Variants in IL3RA observed in about 807,000 individuals in gnomAD.
IL3RA encodes interleukin-3 receptor subunit alpha.
IL3RA carries 73 observed loss-of-function variants against 52.3 expected under a neutral mutation model. That is an observed-to-expected ratio of 1.40 (90% CI 1.16 to 1.70). IL3RA has a LOEUF of 1.70. IL3RA is among the 40% of genes most tolerant of loss of function. The probability of loss-of-function intolerance (pLI) is 0.00; values close to 1 mark genes in which losing one functional copy is unlikely to be tolerated. For missense variants in IL3RA, 664 were observed against 504.4 expected (o/e 1.32, Z -3.03); for synonymous variants, 260 against 194.0 (o/e 1.34, Z -2.83).
intron 4 of IL3RA, among the ~76,000 whole-genome samples, chrX:1,349,711 G>A (rs2085994333): frequency 1.3e-5 from 2 of 152,114 alleles, no homozygotes; most frequent in Admixed American, 6.6e-5. Context: ...CGCCCAGGCT[G>A]GAGTGCAGTG....
At chrX:1,361,848 C>T (rs1475232059) in intron 8 of IL3RA, among the ~76,000 whole-genome samples, 1 of 150,994 alleles carries the variant, frequency 6.6e-6, no homozygotes, top group Non-Finnish European at 1.5e-5. Context: ...ACCCCGAGAA[C>T]AGTGTGGGGG....
intron 9 of IL3RA, among the ~76,000 whole-genome samples, chrX:1,367,220 G>A (rs1447215213): frequency 1.9e-5 from 1 of 53,446 alleles, no homozygotes; most frequent in Non-Finnish European, 3.1e-5. Flanking sequence ...TGAGCGGGGT[G>A]AGCCGGGTGC....
chrX:1,356,092 G>A (rs1236299234), intron 6 of IL3RA, 129 bp from the exon 7 acceptor site: 4 of 665,310 alleles, frequency 6.0e-6, no homozygotes, highest in Non-Finnish European at 1.1e-5. Flanking sequence ...CCTTCCTGGT[G>A]TTTTTCTCTC....
intron 8 of IL3RA, among the ~76,000 whole-genome samples, chrX:1,362,293 T>G (rs2087489363): frequency 6.6e-6 from 1 of 151,322 alleles, no homozygotes; most frequent in African/African-American, 2.4e-5. Flanking sequence ...CCTCTCTGTC[T>G]CCCCTCTCTG....
In IL3RA at chrX:1,348,638, C is replaced by CTT. The variant is rs1279658667; in HGVS notation, c.298+97_298+98dup. 8.3e-6 allele frequency: 6 copies of CTT among 723,904 alleles called. No individual in the cohort carries two copies. In the Admixed American group the frequency reaches 1.3e-4, roughly 15 times the overall value. The allele number at this position is 723,904 out of a possible 1,614,324, so 44.8% of individuals were successfully genotyped here. On this transcript the variant is annotated intron_variant, in intron 4 of 11. Transcript: ENST00000331035. ...GCCTTCGCTGTGTCTTTTTTCTTTTCTTTTTCTCTTTCTTTCTTTCTTTCT... is the reference window on the plus strand; with the variant it reads ...GCCTTCGCTGTGTCTTTTTTCTTTTCTTTTTTTCTCTTTCTTTCTTTCTTTCT...
At chrX:1,358,922 C>T in intron 8 of IL3RA, 35 bp downstream of exon 8, 1 of 1,575,518 alleles carries the variant, frequency 6.3e-7, no homozygotes, top group Non-Finnish European at 8.6e-7. Flanking sequence ...CTGTACTTGA[C>T]ATTGCAAAGG....
rs754362787 is a variant in IL3RA, at chrX:1,382,367, C to T, written c.1063-24C>T. On this transcript the variant is annotated intron_variant, in intron 11 of 11. Transcript: ENST00000331035. ...TGTTATCTGGGGGGTGGCCGACTCA[C>T]CCTGCCTCCTCTCGTCTCTGCAGGT... 5.0e-6 allele frequency: 8 copies of T among 1,605,822 alleles called. No individual in the cohort carries two copies. In the South Asian group the frequency reaches 8.8e-5, roughly 18 times the overall value.
chrX:1,378,625 C>A (rs749218320), intron 9 of IL3RA, 34 bp from the exon 10 acceptor site: 1 of 1,583,730 alleles, frequency 6.3e-7, no homozygotes, highest in Non-Finnish European at 8.6e-7. Flanking sequence ...CAGGACGGCC[C>A]CCGGTCTGTG....
chrX:1,343,209 G>A (rs1355186301), intron 2 of IL3RA, among the ~76,000 whole-genome samples: 7 of 152,016 alleles, frequency 4.6e-5, no homozygotes, highest in Admixed American at 6.6e-5. Context: ...CTTTGGTCCC[G>A]CTTATCAAAC....
chrX:1,381,231 T>C (rs1480905038), intron 11 of IL3RA, 127 bp downstream of exon 11: 1 of 815,950 alleles, frequency 1.2e-6, no homozygotes, highest in South Asian at 1.5e-5. Flanking sequence ...AAACTCCGTG[T>C]CTACTAAAAA....
intron 6 of IL3RA, among the ~76,000 whole-genome samples, chrX:1,355,432 A>AGGAG (rs2149018146): frequency 2.0e-5 from 1 of 51,238 alleles, no homozygotes; most frequent in African/African-American, 8.0e-5. Flanking sequence ...AGGGGAGGGG[A>AGGAG]GGGGAGGGGA....
chrX:1,379,134 C>T (rs1229735108), intron 10 of IL3RA, among the ~76,000 whole-genome samples: 8 of 151,410 alleles, frequency 5.3e-5, no homozygotes, highest in African/African-American at 9.7e-5. Context: ...TAAGCCACCT[C>T]GCCTGGCCCA....
intron 9 of IL3RA, among the ~76,000 whole-genome samples, chrX:1,367,993 GACAGACA>G (rs2088295071): frequency 2.0e-5 from 3 of 152,168 alleles, no homozygotes; most frequent in African/African-American, 7.2e-5. Flanking sequence ...TCGTCCCACT[GACAGACA>G]CCCCCTGGGC....
At position 1,378,849 on chromosome X, in the gene IL3RA, A is replaced by G. The variant is rs181948662; in HGVS notation, c.980+85A>G. The G allele has an allele frequency of 2.4e-6, 3 of 1,272,652 alleles. No homozygotes were observed. In the Admixed American group the frequency reaches 5.7e-5, roughly 24 times the overall value. 78.8% of individuals were successfully genotyped at this position (1,272,652 alleles called of 1,614,324 possible). A position where few individuals can be genotyped will look rare whatever the true frequency, so the allele number is the denominator to read the frequency against. ...TCACAGAACCATCCTGAGAATTATCATTATTATTTTTGTGATGGAGTCTCG... is the reference window on the plus strand; with the variant it reads ...TCACAGAACCATCCTGAGAATTATCGTTATTATTTTTGTGATGGAGTCTCG... On this transcript the variant is annotated intron_variant, in intron 10 of 11. Coordinates refer to ENST00000331035, the MANE Select transcript of IL3RA (RefSeq NM_002183.4).
intron 8 of IL3RA, among the ~76,000 whole-genome samples, chrX:1,359,509 C>T (rs1376462687): frequency 1.3e-5 from 2 of 149,200 alleles, no homozygotes; most frequent in Non-Finnish European, 3.0e-5. Flanking sequence ...TCTCCCTCCC[C>T]CTCTCTGTAT....
chrX:1,343,682 A>T lies in IL3RA; in HGVS notation c.65-1634A>T, dbSNP rs1359328544. On this transcript the variant is annotated intron_variant, in intron 2 of 11. Transcript: ENST00000331035. Reference sequence around the variant, plus strand: ...GCTCCATCTCAAAAAAAAAAAAAAAAAAAGAATATTGCCTTTAACATCTTT... The same window carrying T: ...GCTCCATCTCAAAAAAAAAAAAAAATAAAGAATATTGCCTTTAACATCTTT... Among the ~76,000 whole-genome samples, 14 of 151,130 alleles carry T rather than the reference A, an allele frequency of 9.3e-5. 1 individual carries two copies. Among genetic ancestry groups the T allele is most frequent in the African/African-American group, 2.2e-4 (9 of 41,210 alleles).
chrX:1,364,314 A>C (rs1359193365), intron 8 of IL3RA, among the ~76,000 whole-genome samples: 2 of 151,166 alleles, frequency 1.3e-5, no homozygotes, highest in African/African-American at 4.9e-5. Context: ...CAACATGGAG[A>C]AACCCCGACT....
chrX:1,351,182 A>G (rs28580625), intron 4 of IL3RA, among the ~76,000 whole-genome samples: 115,938 of 151,712 alleles, frequency 0.76, 44,897 homozygotes, highest in African/African-American at 0.86. Context: ...ACTCCAGCCT[A>G]GGCGACGGAG....
rs1437910125 is a variant in IL3RA, at chrX:1,341,719, C to T, written c.-38-9C>T. 1 of 1,610,422 alleles carries T rather than the reference C, an allele frequency of 6.2e-7. No individual in the cohort carries two copies. The highest frequency in any genetic ancestry group is 8.5e-7 in the Non-Finnish European group (1 of 1,177,474). On this transcript the variant is annotated splice_polypyrimidine_tract_variant and intron_variant, in intron 1 of 11. Transcript: ENST00000331035. ...AGTCCCCGCTGCCTGACTCTCGTTTCTCCTGCAGCAGGCACCTCTGTCCTG... is the reference window on the plus strand; with the variant it reads ...AGTCCCCGCTGCCTGACTCTCGTTTTTCCTGCAGCAGGCACCTCTGTCCTG...
Sources: allele counts gnomAD v4.1 joint callset (sites outside exome capture counted in the v4.1 genomes callset), GRCh38; gene constraint gnomAD v4.1.1; transcripts MANE v1.5; gene names NCBI Gene and HGNC (gene_info 2026-07-23, HGNC 2026-07-21).